The following ADGRB3 variants were observed in gnomAD, a reference collection of about 807,000 sequenced individuals.
The protein encoded by ADGRB3 is adhesion G protein-coupled receptor B3.
In ADGRB3, 37 loss-of-function variants were observed where a neutral mutation model predicts 193.4. That is an observed-to-expected ratio of 0.19 (90% CI 0.15 to 0.25). The LOEUF (loss-of-function observed/expected upper bound fraction) is 0.25. Among genes scored for constraint, ADGRB3 ranks in the 10% least tolerant of loss-of-function variants. The pLI, the probability that ADGRB3 is intolerant of heterozygous loss-of-function variation, is 1.00. For missense variants in ADGRB3, 1,637 were observed against 1,852.9 expected (o/e 0.88, Z 2.14); for synonymous variants, 690 against 644.2 (o/e 1.07, Z -1.08).
chr6:69,144,570 T>C (rs1034379581), intron 17 of ADGRB3, among the ~76,000 whole-genome samples: 1 of 152,218 alleles, frequency 6.6e-6, no homozygotes, highest in African/African-American at 2.4e-5. Flanking sequence ...TTTATTATGT[T>C]GAGGTATGTT....
intron 11 of ADGRB3, 147 bp downstream of exon 11, chr6:68,994,109 C>G: frequency 2.7e-6 from 2 of 743,160 alleles, no homozygotes; most frequent in Non-Finnish European, 4.3e-6. Flanking sequence ...TGGAAATGAC[C>G]TCAGTTCCCT....
At chr6:69,196,095 A>G (rs1765289351) in intron 17 of ADGRB3, among the ~76,000 whole-genome samples, 1 of 152,136 alleles carries the variant, frequency 6.6e-6, no homozygotes, top group Non-Finnish European at 1.5e-5. Flanking sequence ...TTGTTCCACA[A>G]CTGAGACTTA....
At chr6:68,719,435 G>T (rs1442001782) in intron 3 of ADGRB3, among the ~76,000 whole-genome samples, 2 of 151,672 alleles carry the variant, frequency 1.3e-5, no homozygotes, top group Non-Finnish European at 3.0e-5. Context: ...ATGTAGATAG[G>T]GGCACAAATA....
intron 3 of ADGRB3, among the ~76,000 whole-genome samples, chr6:68,895,726 G>A (rs1766200920): frequency 6.6e-6 from 1 of 151,394 alleles, no homozygotes; most frequent in Admixed American, 6.6e-5. Flanking sequence ...AGAATGTTAA[G>A]ACTTATAGCA....
intron 3 of ADGRB3, among the ~76,000 whole-genome samples, chr6:68,772,884 AAAAAAAAAAAAT>A (rs1562023181): frequency 1.4e-4 from 5 of 35,272 alleles, no homozygotes; most frequent in Admixed American, 1.1e-3. Flanking sequence ...CAAACAAACA[AAAAAAAAAAAAT>A]ATATATATAT....
At chr6:69,150,972 T>C (rs912366429) in intron 17 of ADGRB3, among the ~76,000 whole-genome samples, 3 of 152,200 alleles carry the variant, frequency 2.0e-5, no homozygotes, top group African/African-American at 7.2e-5. Flanking sequence ...TGAGCTAGCA[T>C]CCAAGTTGCA....
At chr6:69,099,132 G>T (rs1331760883) in intron 17 of ADGRB3, among the ~76,000 whole-genome samples, 2 of 152,180 alleles carry the variant, frequency 1.3e-5, no homozygotes, top group African/African-American at 2.4e-5. Flanking sequence ...CTAGGGTGGG[G>T]ATGCCACTGA....
intron 3 of ADGRB3, among the ~76,000 whole-genome samples, chr6:68,801,916 T>C (rs1041822832): frequency 6.6e-6 from 1 of 152,114 alleles, no homozygotes; most frequent in Admixed American, 6.5e-5. Context: ...CTTTCCCACA[T>C]AGACTGTGGG....
chr6:69,273,144 G>T (rs142671124), intron 20 of ADGRB3, among the ~76,000 whole-genome samples: 1 of 152,050 alleles, frequency 6.6e-6, no homozygotes, highest in African/African-American at 2.4e-5. Context: ...GAGGTGATCC[G>T]CCCGCCTTGG....
intron 12 of ADGRB3, among the ~76,000 whole-genome samples, chr6:69,015,157 G>A (rs567189500): frequency 6.6e-6 from 1 of 152,116 alleles, no homozygotes; most frequent in East Asian, 1.9e-4. Context: ...GAATACAGCT[G>A]CAGAGGCTAA....
chr6:68,729,691 T>C (rs541035314), intron 3 of ADGRB3, among the ~76,000 whole-genome samples: 34 of 151,746 alleles, frequency 2.2e-4, no homozygotes, highest in African/African-American at 6.5e-4. Context: ...GCTGGGTGGT[T>C]GTTGCAATTA....
intron 6 of ADGRB3, among the ~76,000 whole-genome samples, chr6:68,950,184 G>C (rs868767759): frequency 6.6e-6 from 1 of 152,016 alleles, no homozygotes; most frequent in African/African-American, 2.4e-5. Flanking sequence ...CTCTTGAGTA[G>C]CTGAGACTAC....
chr6:68,726,575 A>C (rs968813776), intron 3 of ADGRB3, among the ~76,000 whole-genome samples: 4 of 151,602 alleles, frequency 2.6e-5, no homozygotes, highest in African/African-American at 9.7e-5. Flanking sequence ...TAGATGGACC[A>C]TGTGGACAGG....
chr6:68,833,628 G>C (rs1385348703), intron 3 of ADGRB3, among the ~76,000 whole-genome samples: 1 of 151,066 alleles, frequency 6.6e-6, no homozygotes, highest in Non-Finnish European at 1.5e-5. Context: ...GTTTTACTGA[G>C]ATCAGTAAAC....
At chr6:69,114,979 G>A (rs988999697) in intron 17 of ADGRB3, among the ~76,000 whole-genome samples, 5 of 152,224 alleles carry the variant, frequency 3.3e-5, no homozygotes, top group East Asian at 1.9e-4. Context: ...AAATATGAAC[G>A]CTTTTACACT....
At chr6:68,719,606 A>G (rs1370692724) in intron 3 of ADGRB3, among the ~76,000 whole-genome samples, 1 of 151,736 alleles carries the variant, frequency 6.6e-6, no homozygotes, top group Non-Finnish European at 1.5e-5. Context: ...TGTTTTGGCT[A>G]AGCGCTCAAT....
intron 3 of ADGRB3, among the ~76,000 whole-genome samples, chr6:68,711,077 C>G (rs935723234): frequency 6.6e-6 from 1 of 152,058 alleles, no homozygotes; most frequent in Non-Finnish European, 1.5e-5. Flanking sequence ...TCAGTACATT[C>G]TTTGTTTTTC....
intron 10 of ADGRB3, among the ~76,000 whole-genome samples, chr6:68,979,236 A>T (rs1768837708): frequency 6.6e-6 from 1 of 151,434 alleles, no homozygotes; most frequent in Non-Finnish European, 1.5e-5. Flanking sequence ...AAGTAGAAGG[A>T]TACTAGCAGC....
In ADGRB3 at chr6:69,360,863, TCA is replaced by T. The variant is rs778617448; in HGVS notation, c.3596-3_3596-2del. 4 of 1,579,658 alleles carry T rather than the reference TCA, an allele frequency of 2.5e-6. No individual in the cohort carries two copies. In the South Asian group the frequency reaches 4.7e-5, roughly 19 times the overall value. On this transcript the variant is annotated splice_region_variant and splice_polypyrimidine_tract_variant and intron_variant, in intron 28 of 31. Transcript: ENST00000370598. ...TCTTTCTTCAACTTTACATTCCTAC[TCA>T]CAGTTCTTCATAAGGATATTGGTCC...
Sources: gnomAD v4.1 joint callset for allele counts (sites outside exome capture counted in the v4.1 genomes callset) on GRCh38, gnomAD v4.1.1 for gene constraint, MANE v1.5 for transcripts, NCBI Gene and HGNC (gene_info 2026-07-23, HGNC 2026-07-21) for gene names.